ARID2: variants seen among roughly 807,000 people sequenced by gnomAD.
ARID2 encodes AT-rich interaction domain 2.
Under a neutral mutation model 184.6 loss-of-function variants are expected in ARID2, and 32 were observed. That is an observed-to-expected ratio of 0.17 (90% CI 0.13 to 0.23). The LOEUF (loss-of-function observed/expected upper bound fraction) is 0.23, where lower values mean the gene tolerates loss of function less well. Among genes scored for constraint, ARID2 ranks in the 10% least tolerant of loss-of-function variants. The pLI, the probability that ARID2 is intolerant of heterozygous loss-of-function variation, is 1.00. For synonymous variants in ARID2, 836 were observed against 772.6 expected (o/e 1.08, Z -1.36); for missense variants, 1,696 against 2,197.6 (o/e 0.77, Z 4.56).
chr12:45,899,297 A>G (rs1565644429), intron 20 of ARID2, among the ~76,000 whole-genome samples: 1 of 140,282 alleles, frequency 7.1e-6, no homozygotes, highest in African/African-American at 2.6e-5. Flanking sequence ...AAAAAAAAAA[A>G]GTAAGTGCTA....
At position 45,906,333 on chromosome 12, in the gene ARID2, T is replaced by C. The variant is rs1379036395; in HGVS notation, c.*1255T>C. 2 of 233,102 alleles carry C rather than the reference T, an allele frequency of 8.6e-6. No individual in the cohort carries two copies. Among genetic ancestry groups the C allele is most frequent in the South Asian group, 1.8e-4 (1 of 5,530 alleles). The allele number at this position is 233,102 out of a possible 1,614,324, so 14.4% of individuals were successfully genotyped here. A position where few individuals can be genotyped will look rare whatever the true frequency, so the allele number is the denominator to read the frequency against. ...AACTGCTCACTTCCTTAAATTGTCT[T>C]TTTTCCCCCAGCGTGAAATGTATCC... On this transcript the variant is annotated 3_prime_UTR_variant, in exon 21 of 21. Coordinates refer to ENST00000334344, the MANE Select transcript of ARID2 (RefSeq NM_152641.4).
intron 3 of ARID2, among the ~76,000 whole-genome samples, chr12:45,771,769 A>T (rs746591835): frequency 1.4e-4 from 21 of 152,000 alleles, no homozygotes; most frequent in Non-Finnish European, 2.5e-4. Flanking sequence ...TGTGAGGAAA[A>T]TTTGTTGGCA....
intron 20 of ARID2, among the ~76,000 whole-genome samples, chr12:45,902,700 C>G (rs1361096755): frequency 1.3e-5 from 2 of 151,738 alleles, no homozygotes; most frequent in Admixed American, 1.3e-4. Flanking sequence ...CCTGCCACCA[C>G]GCCCAGCTAA....
Position 45,837,143 on chromosome 12 carries a change from A to G in ARID2, c.1023+152A>G, listed in dbSNP as rs1479991210. The G allele has an allele frequency of 4.9e-6, 6 of 1,214,792 alleles. 1 individual carries two copies. In the Admixed American group the frequency reaches 8.2e-5, roughly 17 times the overall value. The allele number at this position is 1,214,792 out of a possible 1,614,324, so 75.3% of individuals were successfully genotyped here. The stretch of plus-strand genomic sequence containing the variant: ...AAAAATGGTGATGTAGAAGTATCAC[A>G]TACTTTTATGGAAAAAAGTATTTGA... On this transcript the variant is annotated intron_variant, in intron 8 of 20. Transcript: ENST00000334344.
chr12:45,794,315 G>A (rs1942348018), intron 3 of ARID2, among the ~76,000 whole-genome samples: 1 of 152,166 alleles, frequency 6.6e-6, no homozygotes, highest in Non-Finnish European at 1.5e-5. Context: ...CCATAGAGCT[G>A]AGCAACCTCA....
chr12:45,782,280 C>T (rs962321151), intron 3 of ARID2, among the ~76,000 whole-genome samples: 2 of 151,690 alleles, frequency 1.3e-5, no homozygotes, highest in Non-Finnish European at 2.9e-5. Flanking sequence ...GCTATAAAAA[C>T]GGAGGAGATT....
chr12:45,792,593 T>G (rs1181325313), intron 3 of ARID2, among the ~76,000 whole-genome samples: 2 of 152,196 alleles, frequency 1.3e-5, no homozygotes, highest in South Asian at 4.1e-4. Context: ...CTTGGTTTGT[T>G]TCTTCAATTA....
chr12:45,739,953 G>A (rs1166515166), intron 3 of ARID2, among the ~76,000 whole-genome samples: 1 of 152,134 alleles, frequency 6.6e-6, no homozygotes, highest in African/African-American at 2.4e-5. Flanking sequence ...TTCCATAATG[G>A]TTCATAGATT....
intron 3 of ARID2, among the ~76,000 whole-genome samples, chr12:45,751,601 T>C (rs1280784394): frequency 6.6e-6 from 1 of 152,218 alleles, no homozygotes; most frequent in African/African-American, 2.4e-5. Context: ...GGATACATTC[T>C]AAGAAATGGG....
intron 20 of ARID2, among the ~76,000 whole-genome samples, chr12:45,899,495 A>G (rs1312479356): frequency 6.7e-6 from 1 of 149,944 alleles, no homozygotes; most frequent in Middle Eastern, 3.2e-3. Flanking sequence ...AGTCCCAGCT[A>G]CTCAGGAGGC....
chr12:45,732,481 T>G (rs1941022538), intron 3 of ARID2, among the ~76,000 whole-genome samples: 1 of 152,200 alleles, frequency 6.6e-6, no homozygotes, highest in South Asian at 2.1e-4. Flanking sequence ...TAAATATGGT[T>G]GTCATCTATT....
chr12:45,833,247 T>TA (rs1943155141), intron 6 of ARID2, among the ~76,000 whole-genome samples: 1 of 152,178 alleles, frequency 6.6e-6, no homozygotes, highest in African/African-American at 2.4e-5. Context: ...GTTTTAGACT[T>TA]ACTATGGGTT....
chr12:45,842,838 C>T (rs1180868228), intron 11 of ARID2, among the ~76,000 whole-genome samples: 2 of 151,984 alleles, frequency 1.3e-5, no homozygotes, highest in Non-Finnish European at 2.9e-5. Context: ...CTCTAATTCT[C>T]TAGATGCTAT....
chr12:45,879,906 T>TAA (rs1944072700), intron 16 of ARID2, among the ~76,000 whole-genome samples: 1 of 152,234 alleles, frequency 6.6e-6, no homozygotes, highest in African/African-American at 2.4e-5. Flanking sequence ...AAATTCTGTG[T>TAA]AATTGGAGAA....
intron 16 of ARID2, among the ~76,000 whole-genome samples, chr12:45,871,587 G>C (rs532721267): frequency 6.6e-6 from 1 of 152,104 alleles, no homozygotes; most frequent in African/African-American, 2.4e-5. Context: ...GTCTTTGTCT[G>C]ATTTTGGTAA....
chr12:45,785,434 C>A (rs752030664), intron 3 of ARID2, among the ~76,000 whole-genome samples: 18 of 152,068 alleles, frequency 1.2e-4, no homozygotes, highest in Non-Finnish European at 1.9e-4. Context: ...GAAATCTTTG[C>A]CTCTCCTCCT....
chr12:45,851,278 C>T lies in ARID2; in HGVS notation c.3155C>T (p.Pro1052Leu), dbSNP rs2138169634. 3.1e-6 allele frequency: 5 copies of T among 1,614,210 alleles called. No individual in the cohort carries two copies. The highest frequency in any genetic ancestry group is 3.4e-6 in the Non-Finnish European group (4 of 1,180,026). ...PQQSNAGVGQ[P>L]ASGESSLIKQ... ...CAGTCGAATGCAGGAGTTGGTCAGC[C>T]TGCCTCTGGTGAGTCGAGTCTGATT... Residue 1052 changes from proline (P) to leucine (L), a missense_variant, in exon 15 of 21, where the codon CCT becomes CTT. Pro to Leu is a moderately conservative substitution (Grantham distance 98, BLOSUM62 -3). This residue lies in a region of ARID2 where 713 missense variants were observed against 824.4 expected (regional missense o/e 0.86). Coordinates refer to ENST00000334344, the MANE Select transcript of ARID2 (RefSeq NM_152641.4).
At chr12:45,895,524 T>C (rs1944357966) in intron 20 of ARID2, among the ~76,000 whole-genome samples, 1 of 152,182 alleles carries the variant, frequency 6.6e-6, no homozygotes, top group Admixed American at 6.5e-5. Flanking sequence ...AAATTCATTT[T>C]CTCCTAGAGT....
chr12:45,759,844 G>A (rs1467762833), intron 3 of ARID2, among the ~76,000 whole-genome samples: 1 of 152,172 alleles, frequency 6.6e-6, no homozygotes, highest in Non-Finnish European at 1.5e-5. Flanking sequence ...AGGCATGCAA[G>A]CGCGTGCCTG....
Sources: allele counts gnomAD v4.1 joint callset (sites outside exome capture counted in the v4.1 genomes callset), GRCh38; gene constraint gnomAD v4.1.1; regional missense constraint gnomAD v4.1.1; transcripts MANE v1.5; gene names NCBI Gene and HGNC (gene_info 2026-07-23, HGNC 2026-07-21).